EIF3D: variants seen among roughly 807,000 people sequenced by gnomAD.
EIF3D encodes the protein eukaryotic translation initiation factor 3 subunit D, also known as eIF3 p66.
EIF3D carries 10 observed loss-of-function variants against 75.4 expected under a neutral mutation model. The observed-to-expected ratio is 0.13, with a 90% CI of 0.08 to 0.22. The LOEUF is 0.22. Among genes scored for constraint, EIF3D ranks in the 10% least tolerant of loss-of-function variants. The probability of loss-of-function intolerance (pLI) is 1.00; values close to 1 mark genes in which losing one functional copy is unlikely to be tolerated. For synonymous variants in EIF3D, 246 were observed against 248.3 expected, an observed-to-expected ratio of 0.99 and a Z score of 0.09; for missense variants, 394 against 708.0, an observed-to-expected ratio of 0.56 and a Z score of 5.03.
intron 12 of EIF3D, chr22:36,512,983 A>G (rs1568997625): frequency 6.0e-6 from 1 of 165,618 alleles, no homozygotes; most frequent in Non-Finnish European, 1.3e-5. Flanking sequence ...AGTGGAGAAT[A>G]TTGGCTCAAG....
Position 36,521,560 on chromosome 22 carries a change from A to G in EIF3D, c.466-872T>C, listed in dbSNP as rs1934513443. ...AAAGTGAAAAACAACTCAAATGTTC[A>G]TCAGCATGTGAATGGCTCAAAACAA... On this transcript the variant is annotated intron_variant, in intron 6 of 14. Coordinates refer to ENST00000216190, the MANE Select transcript of EIF3D (RefSeq NM_003753.4). 2.0e-5 allele frequency among the ~76,000 whole-genome samples: 3 copies of G among 152,218 alleles called. No homozygotes were observed. In the South Asian group the frequency reaches 6.2e-4, roughly 31 times the overall value.
intron 9 of EIF3D, among the ~76,000 whole-genome samples, chr22:36,518,425 G>A (rs892259423): frequency 1.3e-5 from 2 of 151,742 alleles, no homozygotes; most frequent in African/African-American, 2.4e-5. Flanking sequence ...GGAGGCAGAC[G>A]CTGCAGTGAG....
chr22:36,528,324 G>A (rs1458603211), intron 1 of EIF3D, among the ~76,000 whole-genome samples: 2 of 152,068 alleles, frequency 1.3e-5, no homozygotes, highest in African/African-American at 2.4e-5. Flanking sequence ...TAAAAAATCG[G>A]GTTCTGTCAG....
intron 9 of EIF3D, 54 bp from the exon 10 acceptor site, chr22:36,517,485 T>C: frequency 6.4e-7 from 1 of 1,557,236 alleles, no homozygotes; most frequent in East Asian, 2.3e-5. Context: ...ACTGACAATG[T>C]GCGCAGCGCT....
intron 11 of EIF3D, 24 bp from the exon 12 acceptor site, chr22:36,516,631 T>C (rs1934431463): frequency 9.3e-6 from 15 of 1,613,914 alleles, no homozygotes; most frequent in Non-Finnish European, 1.1e-5. Flanking sequence ...GAAACTCATG[T>C]GGTCACTGGG....
chr22:36,516,817 A>T, intron 10 of EIF3D, 27 bp from the exon 11 acceptor site: 1 of 1,607,426 alleles, frequency 6.2e-7, no homozygotes, highest in Non-Finnish European at 8.5e-7. Flanking sequence ...GTCACAAGAC[A>T]GAGCTAACTT....
intron 1 of EIF3D, chr22:36,528,816 T>C (rs1432534046): frequency 6.5e-6 from 1 of 154,746 alleles, no homozygotes; most frequent in African/African-American, 2.4e-5. Flanking sequence ...CCAGGTGAGT[T>C]AAGTGACAAT....
In EIF3D at chr22:36,526,020, G is replaced by A. The variant is rs11558515; in HGVS notation, c.102C>T (p.Ser34=). ...GTACCTTTCCTAGCCGATCTCCTTT[G>A]CTGAACGGCTGGTAGGGCATATCCC... ...QFRDMPYQPF[S]KGDRLGKVAD... The change falls in exon 2 of 15, where the codon AGC becomes AGT. Residue 34 remains serine, a synonymous_variant. Coordinates refer to ENST00000216190, the MANE Select transcript of EIF3D (RefSeq NM_003753.4). 10,018 of 1,612,878 alleles carry A rather than the reference G, an allele frequency of 6.2e-3. 564 individuals are homozygous for A. In the African/African-American group the frequency reaches 0.12, roughly 19 times the overall value.
chr22:36,518,185 G>A (rs1050716678), intron 9 of EIF3D, among the ~76,000 whole-genome samples: 4 of 152,078 alleles, frequency 2.6e-5, no homozygotes, highest in Admixed American at 2.6e-4. Flanking sequence ...GTCGAAAAAG[G>A]GGTATTTAAA....
intron 12 of EIF3D, among the ~76,000 whole-genome samples, chr22:36,514,451 C>T (rs1164060046): frequency 2.6e-5 from 4 of 152,120 alleles, no homozygotes; most frequent in Admixed American, 6.6e-5. Flanking sequence ...GATGTAAGGC[C>T]GCAAATCAGT....
At chr22:36,518,494 TAAAAA>T (rs66811304) in intron 9 of EIF3D, among the ~76,000 whole-genome samples, 1 of 144,698 alleles carries the variant, frequency 6.9e-6, no homozygotes, top group Non-Finnish European at 1.5e-5. Context: ...CTGTCTCAAT[TAAAAA>T]AAAAAAAAAA....
At chr22:36,525,074 C>T (rs937732055) in intron 3 of EIF3D, among the ~76,000 whole-genome samples, 5 of 152,140 alleles carry the variant, frequency 3.3e-5, no homozygotes, top group African/African-American at 1.2e-4. Flanking sequence ...TCTCCATTAT[C>T]AGGGGCCCAT....
At chr22:36,519,333 T>C in intron 8 of EIF3D, 72 bp downstream of exon 8, 1 of 1,593,360 alleles carries the variant, frequency 6.3e-7, no homozygotes, top group Non-Finnish European at 8.6e-7. Flanking sequence ...TCTTCTGTTC[T>C]TTCTGCAGCT....
intron 9 of EIF3D, 130 bp downstream of exon 9, chr22:36,518,633 C>G: frequency 8.4e-7 from 1 of 1,196,568 alleles, no homozygotes; most frequent in Non-Finnish European, 1.2e-6. Flanking sequence ...GTGGGAGATT[C>G]AGACACTGCT....
At chr22:36,525,566 T>G in intron 3 of EIF3D, 98 bp downstream of exon 3, 1 of 1,313,436 alleles carries the variant, frequency 7.6e-7, no homozygotes, top group Non-Finnish European at 1.1e-6. Context: ...TGTTGGCAGT[T>G]TCTTCCCATT....
chr22:36,516,860 C>T (rs1203014162), intron 10 of EIF3D, 70 bp from the exon 11 acceptor site: 2 of 1,410,680 alleles, frequency 1.4e-6, no homozygotes. Context: ...CAGTCAGACC[C>T]AGCACCTCTG....
In EIF3D at chr22:36,523,055, T is replaced by C. The variant is rs1934539962; in HGVS notation, c.465+154A>G. 11 of 650,026 alleles carry C rather than the reference T, an allele frequency of 1.7e-5. 1 individual carries two copies. The South Asian group carries it at 1.8e-4, about 11-fold the overall frequency. The allele number at this position is 650,026 out of a possible 1,614,324, so 40.3% of individuals were successfully genotyped here. ...GGGATTCTTTTGAGGGTGATGAAAATGGTCTGAAATTGACCAGTTACAGAA... is the reference window on the plus strand; with the variant it reads ...GGGATTCTTTTGAGGGTGATGAAAACGGTCTGAAATTGACCAGTTACAGAA... On this transcript the variant is annotated intron_variant, in intron 6 of 14. Transcript: ENST00000216190.
intron 1 of EIF3D, among the ~76,000 whole-genome samples, chr22:36,527,167 G>A (rs570897788): frequency 2.0e-5 from 3 of 152,214 alleles, no homozygotes; most frequent in South Asian, 4.1e-4. Flanking sequence ...GCCCAAAGTT[G>A]CCATGTTAAA....
intron 12 of EIF3D, among the ~76,000 whole-genome samples, chr22:36,514,572 T>C (rs748708153): frequency 3.9e-4 from 59 of 152,114 alleles, no homozygotes; most frequent in Admixed American, 1.4e-3. Flanking sequence ...ACAAGAAGGA[T>C]CTGATGTGCT....
Sources: allele counts gnomAD v4.1 joint callset (sites outside exome capture counted in the v4.1 genomes callset), GRCh38; gene constraint gnomAD v4.1.1; transcripts MANE v1.5; gene names NCBI Gene and HGNC (gene_info 2026-07-23, HGNC 2026-07-21).